Variants in PATJ observed in about 807,000 individuals in gnomAD.
PATJ encodes the protein PATJ crumbs cell polarity complex component.
PATJ carries 190 observed loss-of-function variants against 224.9 expected under a neutral mutation model. The observed-to-expected ratio is 0.84, with a 90% CI of 0.75 to 0.95. The LOEUF (loss-of-function observed/expected upper bound fraction) is 0.95. PATJ is among the 40% of genes least tolerant of loss of function. PATJ has a pLI of 0.00. For missense variants in PATJ, 2,121 were observed against 2,270.3 expected (o/e 0.93, Z 1.34); for synonymous variants, 769 against 820.3 (o/e 0.94, Z 1.07).
rs376126642 is a variant in PATJ at position 62,090,136 on chromosome 1, T to C, written c.4377+5488T>C. 9.9e-5 allele frequency among the ~76,000 whole-genome samples: 15 copies of C among 152,246 alleles called. No homozygotes were observed. In the East Asian group the frequency reaches 1.7e-3, roughly 18 times the overall value. ...GAGGGAGATCTCACTTAGCATCCCATTGTATTTAAATCGACCTTTTAAAAT... is the reference window on the plus strand; with the variant it reads ...GAGGGAGATCTCACTTAGCATCCCACTGTATTTAAATCGACCTTTTAAAAT... On this transcript the variant is annotated intron_variant, in intron 33 of 43. Coordinates refer to ENST00000642238, the MANE Select transcript of PATJ (RefSeq NM_001350145.3).
intron 27 of PATJ, among the ~76,000 whole-genome samples, chr1:61,973,441 G>A (rs979908990): frequency 6.6e-6 from 1 of 152,002 alleles, no homozygotes; most frequent in Non-Finnish European, 1.5e-5. Flanking sequence ...AAGGAACCAG[G>A]TCAGTTTGGC....
rs147995550 is a variant in PATJ at position 61,918,562 on chromosome 1, C to G, written c.3570+3898C>G. 3.0e-3 allele frequency among the ~76,000 whole-genome samples: 449 copies of G among 152,172 alleles called. 2 individuals carry two copies. The highest frequency in any genetic ancestry group is 0.01 in the African/African-American group (431 of 41,534). Reference sequence around the variant, plus strand: ...TTGAGCTCAGGCAATCTGCCCACCTCCGCCTCTCAAAGTGCTAGGATTACA... The same window carrying G: ...TTGAGCTCAGGCAATCTGCCCACCTGCGCCTCTCAAAGTGCTAGGATTACA... On this transcript the variant is annotated intron_variant, in intron 26 of 43. Transcript: ENST00000642238.
chr1:62,076,990 G>A (rs1279618744), intron 31 of PATJ, among the ~76,000 whole-genome samples: 1 of 152,126 alleles, frequency 6.6e-6, no homozygotes, highest in Non-Finnish European at 1.5e-5. Flanking sequence ...AAGTGTCAGA[G>A]ACCCAAGCAC....
At chr1:62,133,507 G>A (rs7538266) in intron 41 of PATJ, among the ~76,000 whole-genome samples, 109,959 of 152,020 alleles carry the variant, frequency 0.72, 39,978 homozygotes, top group East Asian at 0.81. Context: ...GCTTGAACCC[G>A]GAGAGTAGAG....
chr1:62,036,361 A>T (rs1650379785), intron 29 of PATJ, among the ~76,000 whole-genome samples: 1 of 152,160 alleles, frequency 6.6e-6, no homozygotes, highest in African/African-American at 2.4e-5. Context: ...ACAGATGAGG[A>T]AGATAATTTT....
intron 26 of PATJ, among the ~76,000 whole-genome samples, chr1:61,924,418 G>C (rs183837720): frequency 6.6e-6 from 1 of 151,944 alleles, no homozygotes; most frequent in Non-Finnish European, 1.5e-5. Flanking sequence ...AAAAACTCTT[G>C]GCTATTTTCT....
chr1:62,025,727 G>A (rs987007778), intron 29 of PATJ, among the ~76,000 whole-genome samples: 1 of 152,206 alleles, frequency 6.6e-6, no homozygotes, highest in African/African-American at 2.4e-5. Flanking sequence ...AGAGACGGAG[G>A]CAAGAGAATC....
chr1:61,821,810 A>G (rs1657324296), intron 14 of PATJ, among the ~76,000 whole-genome samples: 1 of 152,210 alleles, frequency 6.6e-6, no homozygotes, highest in Non-Finnish European at 1.5e-5. Context: ...ATTTGAGATT[A>G]TAAGGCCACA....
intron 27 of PATJ, among the ~76,000 whole-genome samples, chr1:61,930,789 C>T (rs1276924864): frequency 3.3e-5 from 5 of 152,254 alleles, no homozygotes; most frequent in East Asian, 1.9e-4. Flanking sequence ...CTCACTGCAT[C>T]GTCTGCCTCC....
At chr1:61,841,058 G>A (rs1661003620) in intron 17 of PATJ, among the ~76,000 whole-genome samples, 1 of 152,094 alleles carries the variant, frequency 6.6e-6, no homozygotes, top group Non-Finnish European at 1.5e-5. Context: ...TTTATATATG[G>A]CGGTAATTAA....
intron 27 of PATJ, among the ~76,000 whole-genome samples, chr1:61,928,617 A>G (rs886937601): frequency 1.3e-5 from 2 of 152,108 alleles, no homozygotes; most frequent in Non-Finnish European, 2.9e-5. Flanking sequence ...GACCTTAAAT[A>G]TGCCCTCCTC....
chr1:61,747,132 G>T (rs1645062197), intron 1 of PATJ, among the ~76,000 whole-genome samples: 1 of 152,190 alleles, frequency 6.6e-6, no homozygotes, highest in Non-Finnish European at 1.5e-5. Flanking sequence ...GAGCCAACTT[G>T]GTAAGTTTTT....
chr1:62,086,441 C>G lies in PATJ; in HGVS notation c.4377+1793C>G, dbSNP rs1347402089. 6.6e-6 allele frequency among the ~76,000 whole-genome samples: 1 copy of G among 152,060 alleles called. No homozygotes were observed. Among genetic ancestry groups the G allele is most frequent in the Admixed American group, 6.6e-5 (1 of 15,258 alleles). On this transcript the variant is annotated intron_variant, in intron 33 of 43. Coordinates refer to ENST00000642238, the MANE Select transcript of PATJ (RefSeq NM_001350145.3). This position sits in a 1 kb window ranked among gnomAD's most constrained non-coding sequence, Gnocchi z 4.0. ...TCACTACCTAAAACCAGGGCGACTCCCTAGAGACAATCACTCTTGTTAATG... is the reference window on the plus strand; with the variant it reads ...TCACTACCTAAAACCAGGGCGACTCGCTAGAGACAATCACTCTTGTTAATG...
chr1:61,898,999 T>C (rs563094234), intron 22 of PATJ, among the ~76,000 whole-genome samples: 1 of 152,244 alleles, frequency 6.6e-6, no homozygotes, highest in South Asian at 2.1e-4. Flanking sequence ...AGTTCAGTAG[T>C]ACTATACTAA....
At chr1:61,814,547 T>TGTGTGTGTGTGTGTGTGTGTGC (rs370488022) in intron 14 of PATJ, among the ~76,000 whole-genome samples, 2 of 142,496 alleles carry the variant, frequency 1.4e-5, no homozygotes, top group African/African-American at 5.4e-5. Flanking sequence ...TGTGTGTGTG[T>TGTGTGTGTGTGTGTGTGTGTGC]GCGCGCGCGC....
intron 31 of PATJ, among the ~76,000 whole-genome samples, chr1:62,053,654 G>A (rs1025063051): frequency 7.2e-5 from 11 of 152,100 alleles, no homozygotes; most frequent in Admixed American, 7.2e-4. Flanking sequence ...GGGAGATGGA[G>A]GTTGCAGTGA....
At chr1:61,998,490 G>A (rs575105678) in intron 28 of PATJ, among the ~76,000 whole-genome samples, 1 of 151,884 alleles carries the variant, frequency 6.6e-6, no homozygotes, top group Non-Finnish European at 1.5e-5. Context: ...ACCTCCCAAA[G>A]GGCTGGAATT....
intron 33 of PATJ, among the ~76,000 whole-genome samples, chr1:62,085,122 C>T (rs537691350): frequency 1.8e-4 from 28 of 152,258 alleles, no homozygotes; most frequent in African/African-American, 6.3e-4. Flanking sequence ...ATTAGCTGGG[C>T]ATGGTGGTGC....
intron 37 of PATJ, among the ~76,000 whole-genome samples, chr1:62,118,921 C>G (rs528996399): frequency 9.2e-5 from 14 of 151,840 alleles, no homozygotes; most frequent in Non-Finnish European, 1.9e-4. Flanking sequence ...TGTGAGCCCC[C>G]GCGCCCAGCC....
Sources: allele counts gnomAD v4.1 joint callset (sites outside exome capture counted in the v4.1 genomes callset), GRCh38; gene constraint gnomAD v4.1.1; non-coding constraint Gnocchi (gnomAD v3.1); transcripts MANE v1.5; gene names NCBI Gene and HGNC (gene_info 2026-07-23, HGNC 2026-07-21).